SMCO2: variants seen among roughly 807,000 people sequenced by gnomAD.
The protein encoded by SMCO2 is single-pass membrane and coiled-coil domain-containing protein 2.
Under a neutral mutation model 29.5 loss-of-function variants are expected in SMCO2, and 25 were observed. That is an observed-to-expected ratio of 0.85 (90% CI 0.62 to 1.18). The LOEUF (loss-of-function observed/expected upper bound fraction) is 1.18. SMCO2 is among the 50% of genes most tolerant of loss of function. The pLI is 0.00. For missense variants in SMCO2, 348 were observed against 344.5 expected (o/e 1.01, Z -0.08); for synonymous variants, 117 against 123.3 (o/e 0.95, Z 0.34).
chr12:27,430,941 G>A, the SMCO2 span, among the ~76,000 whole-genome samples: 807 of 152,000 alleles, frequency 5.3e-3, 4 homozygotes, highest in Admixed American at 0.01. Context: ...GTGTGCTCTC[G>A]GGGACCCTAA....
intron 4 of SMCO2, among the ~76,000 whole-genome samples, chr12:27,485,854 G>T (rs1949685086): frequency 1.3e-5 from 2 of 152,110 alleles, no homozygotes; most frequent in African/African-American, 4.8e-5. Flanking sequence ...GAGTATTCTG[G>T]AGACATTTGT....
chr12:27,480,537 AT>A lies in SMCO2; in HGVS notation c.362+5628del, dbSNP rs997750833. 1.4e-4 allele frequency among the ~76,000 whole-genome samples: 21 copies of A among 152,168 alleles called. No individual in the cohort carries two copies. The East Asian group carries it at 1.5e-3, about 11-fold the overall frequency. Reference sequence around the variant, plus strand: ...TGGATGTCTGTCCCCACCCAATCTCATTTTGAAATGTGATCTCCTATGTTGG... The same window carrying A: ...TGGATGTCTGTCCCCACCCAATCTCATTTGAAATGTGATCTCCTATGTTGG... On this transcript the variant is annotated intron_variant, in intron 4 of 7. Transcript: ENST00000298876.
chr12:27,480,709 CTCT>C (rs1565677909), intron 4 of SMCO2, among the ~76,000 whole-genome samples: 1 of 151,154 alleles, frequency 6.6e-6, no homozygotes, highest in Non-Finnish European at 1.5e-5. Flanking sequence ...TCTCCCCCCC[CTCT>C]CTCTCTCTTG....
chr12:27,460,483 CA>C, the SMCO2 span, among the ~76,000 whole-genome samples: 1 of 152,142 alleles, frequency 6.6e-6, no homozygotes, highest in African/African-American at 2.4e-5. Flanking sequence ...TAAAGAAAAT[CA>C]TAAGGAAGAG....
intron 1 of SMCO2, among the ~76,000 whole-genome samples, chr12:27,468,685 T>C (rs1949517682): frequency 6.6e-6 from 1 of 152,218 alleles, no homozygotes; most frequent in Non-Finnish European, 1.5e-5. Context: ...CTGGTCTAGG[T>C]CATCTTTGGA....
intron 7 of SMCO2, among the ~76,000 whole-genome samples, chr12:27,501,438 C>CAA (rs1565685326): frequency 5.3e-5 from 6 of 112,662 alleles, no homozygotes; most frequent in African/African-American, 1.7e-4. Context: ...AAAAAAAAAA[C>CAA]AAACAAACAA....
At position 27,468,995 on chromosome 12, in the gene SMCO2, C is replaced by T. The variant is rs148307732; in HGVS notation, c.-10-1627C>T. Among the ~76,000 whole-genome samples, 377 of 152,156 alleles carry T rather than the reference C, an allele frequency of 2.5e-3. 2 individuals are homozygous for T. Among genetic ancestry groups the T allele is most frequent in the Non-Finnish European group, 3.2e-3 (221 of 68,002 alleles). ...TGTGGAGGCAGAATTTGGGTAGGTG[C>T]CTAAATTGACAGACGATGTTTTCTT... is the stretch of plus-strand genomic sequence containing the variant. On this transcript the variant is annotated intron_variant, in intron 1 of 7. Transcript: ENST00000298876.
At position 27,472,890 on chromosome 12, in the gene SMCO2, A is replaced by T. The variant is rs386428; in HGVS notation, c.234+15A>T. 0.78 allele frequency: 1,200,539 copies of T among 1,541,778 alleles called. 468,610 individuals are homozygous for T. The highest frequency in any genetic ancestry group is 0.89 in the Middle Eastern group (5,329 of 5,982). ...TCCTTCACAAGGTAGACACTGAAAA[A>T]TGGGTAAGAGAGACACTTAAATGAC... On this transcript the variant is annotated intron_variant, in intron 3 of 7. Coordinates refer to ENST00000298876, the Ensembl canonical transcript of SMCO2.
At chr12:27,487,892 A>T (rs1949703059) in intron 4 of SMCO2, among the ~76,000 whole-genome samples, 1 of 151,544 alleles carries the variant, frequency 6.6e-6, no homozygotes, top group African/African-American at 2.4e-5. Flanking sequence ...TCTTGGTGAA[A>T]TGTCTGTGCA....
At chr12:27,433,877 C>T in the SMCO2 span, among the ~76,000 whole-genome samples, 3 of 152,182 alleles carry the variant, frequency 2.0e-5, no homozygotes, top group Non-Finnish European at 4.4e-5. Context: ...TATTAAAAAT[C>T]ATACCAACAG....
At chr12:27,482,859 T>A (rs1949657136) in intron 4 of SMCO2, among the ~76,000 whole-genome samples, 1 of 152,236 alleles carries the variant, frequency 6.6e-6, no homozygotes, top group Non-Finnish European at 1.5e-5. Context: ...CCCTAGTAGT[T>A]GGGACTGCAG....
At chr12:27,494,969 C>T (rs1306991469) in intron 6 of SMCO2, among the ~76,000 whole-genome samples, 1 of 152,060 alleles carries the variant, frequency 6.6e-6, no homozygotes, top group Non-Finnish European at 1.5e-5. Context: ...CAAGGCTCAG[C>T]TCACAGGTCA....
At chr12:27,452,050 T>A in the SMCO2 span, among the ~76,000 whole-genome samples, 2 of 152,234 alleles carry the variant, frequency 1.3e-5, no homozygotes, top group East Asian at 3.9e-4. Context: ...GATAGGACAC[T>A]GTTCCAAGGA....
At chr12:27,471,646 C>T (rs1481894273) in intron 2 of SMCO2, among the ~76,000 whole-genome samples, 1 of 152,124 alleles carries the variant, frequency 6.6e-6, no homozygotes, top group East Asian at 1.9e-4. Context: ...ACTATCAACA[C>T]ATTTGTTTTA....
chr12:27,493,721 A>G (rs1029305079), intron 5 of SMCO2: 1 of 152,168 alleles, frequency 6.6e-6, no homozygotes, highest in African/African-American at 2.4e-5. Flanking sequence ...CACGTGTTAG[A>G]AGGTGATGGT....
the SMCO2 span, among the ~76,000 whole-genome samples, chr12:27,434,144 A>C: frequency 2.6e-5 from 4 of 152,224 alleles, no homozygotes; most frequent in Admixed American, 6.5e-5. Flanking sequence ...AGAATCCATC[A>C]AAAATAAATG....
chr12:27,475,489 G>T, intron 4 of SMCO2, 93 bp from the exon 5 acceptor site: 1 of 1,385,408 alleles, frequency 7.2e-7, no homozygotes, highest in South Asian at 1.7e-5. Context: ...AGACTAAACA[G>T]ATCAACTCGC....
At chr12:27,435,524 CCT>C in the SMCO2 span, among the ~76,000 whole-genome samples, 648 of 141,816 alleles carry the variant, frequency 4.6e-3, 9 homozygotes, top group Non-Finnish European at 4.3e-3. Context: ...TGCTTTGTTA[CCT>C]CTCTCTCTCT....
upstream of SMCO2, among the ~76,000 whole-genome samples, chr12:27,461,878 A>G (rs546638297): frequency 6.6e-6 from 1 of 152,356 alleles, no homozygotes; most frequent in South Asian, 2.1e-4. Context: ...GGAAAGTATT[A>G]GAAAATCCAG....
Sources: allele counts gnomAD v4.1 joint callset (sites outside exome capture counted in the v4.1 genomes callset), GRCh38; gene constraint gnomAD v4.1.1; transcripts MANE v1.5; gene names NCBI Gene and HGNC (gene_info 2026-07-23, HGNC 2026-07-21).